The following PI4KA variants were observed in gnomAD, a reference collection of about 807,000 sequenced individuals.
The protein encoded by PI4KA is PI4-kinase alpha.
A neutral mutation model predicts 271.4 loss-of-function variants in PI4KA; 122 were observed. The ratio of observed to expected loss-of-function variants is 0.45; its 90% CI spans 0.39 to 0.52. The LOEUF (loss-of-function observed/expected upper bound fraction) is 0.52. Among genes scored for constraint, PI4KA ranks in the 20% least tolerant of loss-of-function variants. The pLI is 0.00. For synonymous variants in PI4KA, 1,041 were observed against 1,078.8 expected (o/e 0.96, Z 0.69); for missense variants, 1,969 against 2,769.1 (o/e 0.71, Z 6.48).
chr22:20,858,793 C>CGCAGGCGTAGGT lies in PI4KA; in HGVS notation c.-80_-69dup. ...GGCCCGCGAGCGCCCGACCTCAGGG[C>CGCAGGCGTAGGT]GCAGGCGTAGGTGCATCCGGCTTTC... On this transcript the variant is annotated 5_prime_UTR_variant, in exon 1 of 55. Transcript: ENST00000255882. 8 of 1,367,162 alleles carry CGCAGGCGTAGGT rather than the reference C, an allele frequency of 5.9e-6. No homozygotes were observed. The highest frequency in any genetic ancestry group is 7.6e-6 in the Non-Finnish European group (8 of 1,056,818). The allele number at this position is 1,367,162 out of a possible 1,614,324, so 84.7% of individuals were successfully genotyped here. A position where few individuals can be genotyped will look rare whatever the true frequency, so the allele number is the denominator to read the frequency against.
chr22:20,819,372 T>C (rs1395693407), intron 6 of PI4KA, among the ~76,000 whole-genome samples: 1 of 150,686 alleles, frequency 6.6e-6, no homozygotes, highest in African/African-American at 2.4e-5. Flanking sequence ...GGGAACATAA[T>C]GGCGATAAGG....
At position 20,713,379 on chromosome 22, in the gene PI4KA, G is replaced by C; in HGVS notation, c.5473C>G (p.Arg1825Gly). 1 of 1,576,758 alleles carries C rather than the reference G, an allele frequency of 6.3e-7. No individual in the cohort carries two copies. Reference sequence around the variant, plus strand: ...CTGCACTCATCCTCGGAGTCTGAGCGGCACCGCAGACCTGCCCGCAGGGAG... The same window carrying C: ...CTGCACTCATCCTCGGAGTCTGAGCCGCACCGCAGACCTGCCCGCAGGGAG... The part of the protein sequence containing the change: ...SELEKEGLRC[R>G]SDSEDECSTQ... The change falls in exon 48 of 55, where the codon CGC (arginine) becomes GGC (glycine). Residue 1825 changes from arginine (R) to glycine (G), a missense_variant. By Grantham distance (125) the Arg-to-Gly change is moderately radical. This residue lies in a region of PI4KA where 388 missense variants were observed against 521.5 expected (regional missense o/e 0.74). Coordinates refer to ENST00000255882, the MANE Select transcript of PI4KA (RefSeq NM_058004.4).
chr22:20,765,721 G>C (rs558938309), intron 19 of PI4KA, 28 bp from the exon 20 acceptor site: 14 of 1,481,738 alleles, frequency 9.4e-6, no homozygotes, highest in Non-Finnish European at 1.3e-5. Flanking sequence ...GAGGGAGAAA[G>C]GAGGTTATTT....
At chr22:20,820,097 G>T (rs557571830) in intron 5 of PI4KA, among the ~76,000 whole-genome samples, 197 bp from the exon 6 acceptor site, 1 of 152,326 alleles carries the variant, frequency 6.6e-6, no homozygotes, top group East Asian at 1.9e-4. Context: ...AACAACTTCA[G>T]ACTATGACTT....
At chr22:20,848,173 G>A (rs111574521) in intron 1 of PI4KA, among the ~76,000 whole-genome samples, 465 of 151,204 alleles carry the variant, frequency 3.1e-3, no homozygotes, top group Non-Finnish European at 5.1e-3. Context: ...AGGAGGCGGA[G>A]GTTGCAGTGA....
At chr22:20,764,452 A>T (rs150893921) in intron 22 of PI4KA, among the ~76,000 whole-genome samples, 4 of 152,256 alleles carry the variant, frequency 2.6e-5, no homozygotes, top group African/African-American at 9.6e-5. Context: ...GTACTCAACC[A>T]TGGTCCTGGG....
At chr22:20,796,401 C>T (rs1041977135) in intron 17 of PI4KA, 87 bp from the exon 18 acceptor site, 23 of 1,294,634 alleles carry the variant, frequency 1.8e-5, no homozygotes, top group Non-Finnish European at 1.7e-5. Flanking sequence ...GCGAGCTGAG[C>T]GGGCCAGGCC....
At chr22:20,801,475 C>T (rs535776817) in intron 14 of PI4KA, among the ~76,000 whole-genome samples, 112 of 151,608 alleles carry the variant, frequency 7.4e-4, no homozygotes, top group African/African-American at 2.6e-3. Context: ...ATCCCAGCTA[C>T]CTGGGAGGCT....
At chr22:20,811,180 A>C in intron 8 of PI4KA, 148 bp from the exon 9 acceptor site, 2 of 669,964 alleles carry the variant, frequency 3.0e-6, no homozygotes, top group South Asian at 1.7e-5. Flanking sequence ...GCTATGTATC[A>C]AACTATATGC....
rs777260523 is a variant in PI4KA at position 20,714,497 on chromosome 22, T to C, written c.5422A>G (p.Lys1808Glu). Residue 1808 changes from lysine to glutamate, a missense_variant, in exon 47 of 55, where the codon AAG becomes GAG. Coordinates refer to ENST00000255882, the MANE Select transcript of PI4KA (RefSeq NM_058004.4). ...TCACTAACTCCACATCGCTTCACCT[T>C]GAACTTGGCCAGATATGGGGCTTTT... ...AAKAPYLAKF[K>E]VKRCGVSELE... is the part of the protein sequence containing the mutation. 1 of 1,613,626 alleles carries C rather than the reference T, an allele frequency of 6.2e-7. No homozygotes were observed. The highest frequency in any genetic ancestry group is 8.5e-7 in the Non-Finnish European group (1 of 1,179,662).
At position 20,772,588 on chromosome 22, in the gene PI4KA, C is replaced by T. The variant is rs565533060; in HGVS notation, c.2329-6895G>A. Among the ~76,000 whole-genome samples, 6 of 152,282 alleles carry T rather than the reference C, an allele frequency of 3.9e-5. No individual in the cohort carries two copies. The East Asian group carries it at 5.8e-4, about 15-fold the overall frequency. On this transcript the variant is annotated intron_variant, in intron 19 of 54. Transcript: ENST00000255882. Reference sequence around the variant, plus strand: ...CCTTTACACTCTGGAATTTCTCAAACGGAGCAATGCACAGACACCCCCATG... The same window carrying T: ...CCTTTACACTCTGGAATTTCTCAAATGGAGCAATGCACAGACACCCCCATG...
rs142943503 is a variant in PI4KA at position 20,826,074 on chromosome 22, G to A, written c.368-1660C>T. Among the ~76,000 whole-genome samples the A allele has an allele frequency of 1.4e-3, 207 of 152,284 alleles. 1 individual carries two copies. The highest frequency in any genetic ancestry group is 4.8e-3 in the African/African-American group (200 of 41,568). ...GACGTGATCTTGGCCAGGTATGGTG[G>A]CCTCACACTTGTAATCCCAGCACTT... On this transcript the variant is annotated intron_variant, in intron 3 of 54. Coordinates refer to ENST00000255882, the MANE Select transcript of PI4KA (RefSeq NM_058004.4).
At chr22:20,810,379 G>A (rs1441954424) in intron 9 of PI4KA, among the ~76,000 whole-genome samples, 1 of 151,910 alleles carries the variant, frequency 6.6e-6, no homozygotes, top group African/African-American at 2.4e-5. Flanking sequence ...TGTGGTGGAG[G>A]GTGCCTGTAG....
chr22:20,822,772 A>T (rs540024749), intron 4 of PI4KA, among the ~76,000 whole-genome samples: 1 of 152,324 alleles, frequency 6.6e-6, no homozygotes, highest in East Asian at 1.9e-4. Flanking sequence ...TCTCTCAACC[A>T]TTCTTCTTAG....
intron 3 of PI4KA, among the ~76,000 whole-genome samples, chr22:20,832,472 G>A (rs1022397867): frequency 6.6e-6 from 1 of 151,590 alleles, no homozygotes; most frequent in African/African-American, 2.4e-5. Context: ...TTTTCTTTTT[G>A]AGACGGAGTC....
At chr22:20,833,388 A>G (rs538816373) in intron 3 of PI4KA, among the ~76,000 whole-genome samples, 277 of 152,296 alleles carry the variant, frequency 1.8e-3, no homozygotes, top group African/African-American at 6.6e-3. Flanking sequence ...AATGGGGTGC[A>G]TGCTCATTGG....
intron 32 of PI4KA, among the ~76,000 whole-genome samples, chr22:20,740,457 TA>T (rs5844436): frequency 0.49 from 70,651 of 144,022 alleles, 17,236 homozygotes; most frequent in African/African-American, 0.57. Context: ...GCCTAGGAAG[TA>T]AAAAAAAAAA....
At chr22:20,740,265 T>TA (rs559654473) in intron 32 of PI4KA, among the ~76,000 whole-genome samples, 20 of 147,714 alleles carry the variant, frequency 1.4e-4, no homozygotes, top group South Asian at 2.1e-4. Context: ...GTATACAGGT[T>TA]AAAAAAAAAA....
At chr22:20,710,212 C>G (rs1925074986) in intron 52 of PI4KA, 1 of 621,284 alleles carries the variant, frequency 1.6e-6, no homozygotes, top group Non-Finnish European at 3.0e-6. Flanking sequence ...GCACTCTGGA[C>G]AGGCTGAGTG....
Sources: gnomAD v4.1 joint callset for allele counts (sites outside exome capture counted in the v4.1 genomes callset) on GRCh38, gnomAD v4.1.1 for gene constraint, gnomAD v4.1.1 regional missense constraint, MANE v1.5 for transcripts, NCBI Gene and HGNC (gene_info 2026-07-23, HGNC 2026-07-21) for gene names.